CSMD1: variants seen among roughly 807,000 people sequenced by gnomAD.
The protein encoded by CSMD1 is CUB and sushi domain-containing protein 1.
In CSMD1, 213 loss-of-function variants were observed where a neutral mutation model predicts 417.5. The ratio of observed to expected loss-of-function variants is 0.51; its 90% CI spans 0.46 to 0.57. The LOEUF is 0.57. Among genes scored for constraint, CSMD1 ranks in the 20% least tolerant of loss-of-function variants. CSMD1 has a pLI of 0.00. For synonymous variants in CSMD1, 2,862 were observed against 1,736.8 expected, an observed-to-expected ratio of 1.65 and a Z score of -16.11; for missense variants, 6,923 against 4,529.7, an observed-to-expected ratio of 1.53 and a Z score of -15.17.
chr8:3,106,550 C>A lies in CSMD1; in HGVS notation c.6927G>T (p.Glu2309Asp), dbSNP rs754912641. Residue 2309 changes from glutamate to aspartate, a missense_variant, in exon 46 of 70, where the codon GAG becomes GAT. Coordinates refer to ENST00000635120, the MANE Select transcript of CSMD1 (RefSeq NM_033225.6). ...TCKLSSQLQFEGSLPTCEAQC... is the reference protein window; with the variant it reads ...TCKLSSQLQFDGSLPTCEAQC... ...TACCTTCACATGTTGGGAGAGAACC[C>A]TCAAACTGCAACTGGGAACTGAGCT... The A allele has an allele frequency of 1.2e-6, 2 of 1,613,570 alleles. No homozygotes were observed. Among genetic ancestry groups the A allele is most frequent in the Non-Finnish European group, 8.5e-7 (1 of 1,179,590 alleles).
intron 7 of CSMD1, among the ~76,000 whole-genome samples, chr8:3,672,020 G>C (rs1227574558): frequency 6.6e-6 from 1 of 152,098 alleles, no homozygotes; most frequent in African/African-American, 2.4e-5. Flanking sequence ...AAAGACAGTA[G>C]GTTTTATTTA....
At chr8:3,387,338 C>T (rs1017274689) in intron 18 of CSMD1, among the ~76,000 whole-genome samples, 156 bp downstream of exon 18, 2 of 152,088 alleles carry the variant, frequency 1.3e-5, no homozygotes, top group African/African-American at 2.4e-5. Context: ...TTCAAATGAT[C>T]GGGAATGATA....
chr8:3,401,211 A>G (rs981749745), intron 15 of CSMD1, among the ~76,000 whole-genome samples: 2 of 152,022 alleles, frequency 1.3e-5, no homozygotes, highest in Non-Finnish European at 2.9e-5. Context: ...GCAGAATTCC[A>G]AAAAAATTAT....
chr8:3,491,039 C>T (rs529304059), intron 11 of CSMD1, among the ~76,000 whole-genome samples: 1 of 152,210 alleles, frequency 6.6e-6, no homozygotes, highest in East Asian at 1.9e-4. Flanking sequence ...TCCCCAAATT[C>T]CTCAATGGAA....
intron 1 of CSMD1, among the ~76,000 whole-genome samples, chr8:4,783,130 A>G (rs76828026): frequency 0.01 from 1,581 of 152,350 alleles, 12 homozygotes; most frequent in East Asian, 0.054. Context: ...AACATGTCAT[A>G]TGTAATCAGC....
At chr8:3,805,303 C>T (rs904522582) in intron 5 of CSMD1, among the ~76,000 whole-genome samples, 3 of 152,126 alleles carry the variant, frequency 2.0e-5, no homozygotes, top group African/African-American at 4.8e-5. Flanking sequence ...CAGATTCCAC[C>T]AGGACACCAG....
chr8:4,975,590 A>G (rs1810505057), intron 1 of CSMD1, among the ~76,000 whole-genome samples: 1 of 152,196 alleles, frequency 6.6e-6, no homozygotes, highest in Non-Finnish European at 1.5e-5. Context: ...TTTGGACTAG[A>G]AACCCCATCC....
chr8:4,273,257 T>A (rs1804714748), intron 3 of CSMD1, among the ~76,000 whole-genome samples: 1 of 152,168 alleles, frequency 6.6e-6, no homozygotes, highest in African/African-American at 2.4e-5. Flanking sequence ...GCAATGAGCA[T>A]ATTTGTATTA....
At chr8:3,797,615 T>A (rs1390879859) in intron 5 of CSMD1, among the ~76,000 whole-genome samples, 4 of 151,980 alleles carry the variant, frequency 2.6e-5, no homozygotes, top group Non-Finnish European at 4.4e-5. Context: ...TCACACTTTT[T>A]ATTGTTGGGT....
intron 6 of CSMD1, among the ~76,000 whole-genome samples, chr8:3,735,807 A>G (rs952269436): frequency 6.6e-6 from 1 of 152,166 alleles, no homozygotes; most frequent in Non-Finnish European, 1.5e-5. Context: ...GGCCAATTAC[A>G]CTTTCTATCA....
intron 3 of CSMD1, among the ~76,000 whole-genome samples, chr8:4,334,638 G>C (rs1800062555): frequency 6.6e-6 from 1 of 151,978 alleles, no homozygotes; most frequent in African/African-American, 2.4e-5. Flanking sequence ...CTAATACATA[G>C]CTTTATACCT....
At chr8:3,818,584 G>C (rs754569852) in intron 5 of CSMD1, among the ~76,000 whole-genome samples, 1 of 152,046 alleles carries the variant, frequency 6.6e-6, no homozygotes, top group African/African-American at 2.4e-5. Context: ...GGAGGTGCAA[G>C]AATGAGAAGT....
In CSMD1 at chr8:4,162,835, T is replaced by A. The variant is rs566157576; in HGVS notation, c.416-130736A>T. ...GTGTGGATAAATATATAATGCTATG[T>A]GTTCACCATTGCAGTATCACACTGA... On this transcript the variant is annotated intron_variant, in intron 3 of 69. Transcript: ENST00000635120. Among the ~76,000 whole-genome samples, 4 of 152,314 alleles carry A rather than the reference T, an allele frequency of 2.6e-5. No homozygotes were observed. The East Asian group carries it at 7.7e-4, about 29-fold the overall frequency.
At chr8:3,998,530 A>C (rs1485668516) in intron 4 of CSMD1, among the ~76,000 whole-genome samples, 4 of 152,328 alleles carry the variant, frequency 2.6e-5, no homozygotes, top group African/African-American at 9.6e-5. Flanking sequence ...CTGTGCTCTT[A>C]AAAGAAATGG....
intron 5 of CSMD1, among the ~76,000 whole-genome samples, chr8:3,801,649 T>C (rs928205429): frequency 1.3e-5 from 2 of 151,760 alleles, no homozygotes; most frequent in East Asian, 1.9e-4. Flanking sequence ...TGAAAACATA[T>C]AGTAACACAA....
At chr8:3,969,634 A>G (rs1490641957) in intron 5 of CSMD1, among the ~76,000 whole-genome samples, 4 of 152,232 alleles carry the variant, frequency 2.6e-5, no homozygotes, top group Non-Finnish European at 5.9e-5. Context: ...ATTTAAGAAA[A>G]TGCTACCACA....
chr8:3,170,533 T>C (rs879644466), intron 37 of CSMD1, among the ~76,000 whole-genome samples: 10 of 152,212 alleles, frequency 6.6e-5, no homozygotes, highest in African/African-American at 1.7e-4. Flanking sequence ...ACAGCACCTC[T>C]AATGTGTGCT....
At chr8:3,243,752 G>A (rs1310037424) in intron 26 of CSMD1, among the ~76,000 whole-genome samples, 1 of 150,560 alleles carries the variant, frequency 6.6e-6, no homozygotes, top group African/African-American at 2.4e-5. Context: ...TATTATTTAT[G>A]TATTTATATA....
intron 7 of CSMD1, chr8:3,700,711 G>A (rs931174): frequency 0.071 from 10,770 of 152,188 alleles, 1,249 homozygotes; most frequent in African/African-American, 0.24. Context: ...GCTGAGGAGA[G>A]AGGAGAGCAA....
Sources: gnomAD v4.1 joint callset for allele counts (sites outside exome capture counted in the v4.1 genomes callset) on GRCh38, gnomAD v4.1.1 for gene constraint, MANE v1.5 for transcripts, NCBI Gene and HGNC (gene_info 2026-07-23, HGNC 2026-07-21) for gene names.